Variants in CCDC88C observed in about 807,000 individuals in gnomAD.
The protein encoded by CCDC88C is coiled-coil and HOOK domain protein 88C.
CCDC88C carries 131 observed loss-of-function variants against 198.8 expected under a neutral mutation model. That is an observed-to-expected ratio of 0.66 (90% CI 0.57 to 0.76). The LOEUF (loss-of-function observed/expected upper bound fraction) is 0.76, where lower values mean the gene tolerates loss of function less well. CCDC88C is among the 30% of genes least tolerant of loss of function. The pLI is 0.00. For missense variants in CCDC88C, 2,553 were observed against 2,631.6 expected, an observed-to-expected ratio of 0.97 and a Z score of 0.65; for synonymous variants, 1,166 against 1,114.7, an observed-to-expected ratio of 1.05 and a Z score of -0.92.
chr14:91,409,148 A>G (rs1886669205), intron 2 of CCDC88C, among the ~76,000 whole-genome samples: 1 of 151,776 alleles, frequency 6.6e-6, no homozygotes, highest in Admixed American at 6.6e-5. Flanking sequence ...AAAGAAAAAT[A>G]TGTGAAATAT....
At chr14:91,408,429 GCACGATGCTACA>G (rs1361263774) in intron 3 of CCDC88C, 3 of 488,246 alleles carry the variant, frequency 6.1e-6, no homozygotes, top group Non-Finnish European at 7.5e-6. Context: ...ACAGCATATA[GCACGATGCTACA>G]CACAGCTCAA....
chr14:91,281,283 T>C, intron 27 of CCDC88C, 174 bp downstream of exon 27: 2 of 1,500,068 alleles, frequency 1.3e-6, no homozygotes, highest in East Asian at 2.6e-5. Context: ...TGGAGGTATG[T>C]AAGTAGAAGC....
At chr14:91,342,079 G>A (rs759610426) in intron 6 of CCDC88C, 142 of 270,776 alleles carry the variant, frequency 5.2e-4, no homozygotes, top group Non-Finnish European at 8.0e-4. Flanking sequence ...TCAACCAGTT[G>A]ACAGCTCTTA....
rs1893183826 is a variant in CCDC88C at position 91,339,012 on chromosome 14, G to A, written c.809+266C>T. Reference sequence around the variant, plus strand: ...CCCAAGCTGGAGCTGAGCGTGGACTGGAGGCTGCTTCTGTGGACAACTTGC... The same window carrying A: ...CCCAAGCTGGAGCTGAGCGTGGACTAGAGGCTGCTTCTGTGGACAACTTGC... On this transcript the variant is annotated intron_variant, in intron 8 of 29. Coordinates refer to ENST00000389857, the MANE Select transcript of CCDC88C (RefSeq NM_001080414.4). The surrounding 1 kb of genome is among the most constrained non-coding windows in gnomAD (Gnocchi z 5.8). The A allele has an allele frequency of 1.8e-6, 1 of 570,840 alleles. No individual in the cohort carries two copies. 35.4% of individuals were successfully genotyped at this position (570,840 alleles called of 1,614,324 possible). A position where few individuals can be genotyped will look rare whatever the true frequency, so the allele number is the denominator to read the frequency against.
intron 24 of CCDC88C, among the ~76,000 whole-genome samples, chr14:91,290,013 G>A (rs1369988185): frequency 2.6e-5 from 4 of 152,158 alleles, no homozygotes; most frequent in South Asian, 2.1e-4. Flanking sequence ...GCTCACGCCT[G>A]TAACCCCAGC....
intron 3 of CCDC88C, among the ~76,000 whole-genome samples, chr14:91,394,074 G>A (rs1885691750): frequency 6.6e-6 from 1 of 152,196 alleles, no homozygotes; most frequent in Non-Finnish European, 1.5e-5. Flanking sequence ...GTTTGGAAAG[G>A]AGGCAAAAAT....
chr14:91,401,498 C>T (rs1051420440), intron 3 of CCDC88C, among the ~76,000 whole-genome samples: 9 of 151,296 alleles, frequency 5.9e-5, no homozygotes, highest in South Asian at 2.1e-4. Flanking sequence ...CCACACCAGG[C>T]TAATTTTTTT....
chr14:91,391,279 G>A (rs1483330719), intron 3 of CCDC88C, among the ~76,000 whole-genome samples: 1 of 151,822 alleles, frequency 6.6e-6, no homozygotes, highest in Non-Finnish European at 1.5e-5. Context: ...CCCACTGGGT[G>A]CCCGTTTTTA....
At chr14:91,279,591 T>C (rs1890114187) in intron 27 of CCDC88C, 2 of 297,568 alleles carry the variant, frequency 6.7e-6, no homozygotes, top group Non-Finnish European at 1.3e-5. Context: ...AAAGGAAATC[T>C]CACACAGAAC....
chr14:91,383,525 C>A (rs1007830473), intron 3 of CCDC88C, among the ~76,000 whole-genome samples: 2 of 152,354 alleles, frequency 1.3e-5, no homozygotes, highest in East Asian at 3.9e-4. Flanking sequence ...CAGGGACACT[C>A]TGCCTCCTCG....
chr14:91,382,788 G>A (rs1040523821), intron 3 of CCDC88C, among the ~76,000 whole-genome samples: 2 of 152,134 alleles, frequency 1.3e-5, no homozygotes, highest in Non-Finnish European at 2.9e-5. Flanking sequence ...CCCAGGCTAC[G>A]CACCCGCTTT....
rs1894789228 is a variant in CCDC88C at position 91,371,344 on chromosome 14, G to A, written c.271-11633C>T. 6.6e-6 allele frequency among the ~76,000 whole-genome samples: 1 copy of A among 152,114 alleles called. No individual in the cohort carries two copies. Among genetic ancestry groups the A allele is most frequent in the African/African-American group, 2.4e-5 (1 of 41,402 alleles). On this transcript the variant is annotated intron_variant, in intron 3 of 29. Coordinates refer to ENST00000389857, the MANE Select transcript of CCDC88C (RefSeq NM_001080414.4). The surrounding 1 kb of genome is among the most constrained non-coding windows in gnomAD (Gnocchi z 4.2). ...TAAGCAAGAAAGGGGCAGAGAAAGT[G>A]TGGCCAGAGGAAACTACGGTATGCA...
intron 4 of CCDC88C, among the ~76,000 whole-genome samples, chr14:91,345,154 C>T (rs539959188): frequency 7.0e-6 from 1 of 143,712 alleles, no homozygotes; most frequent in African/African-American, 2.6e-5. Context: ...ATACCCCTTC[C>T]AGAGGTTCAA....
intron 4 of CCDC88C, among the ~76,000 whole-genome samples, chr14:91,351,393 G>A (rs1461077894): frequency 2.0e-5 from 3 of 152,146 alleles, no homozygotes; most frequent in Non-Finnish European, 4.4e-5. Context: ...CGGCTCTGAG[G>A]GCCCTCCTGA....
At chr14:91,377,955 A>G (rs1326615797) in intron 3 of CCDC88C, among the ~76,000 whole-genome samples, 1 of 152,218 alleles carries the variant, frequency 6.6e-6, no homozygotes, top group Non-Finnish European at 1.5e-5. Context: ...ATGCAGCCAC[A>G]TGGCACTGCC....
At chr14:91,318,584 T>C (rs1567073023) in intron 13 of CCDC88C, among the ~76,000 whole-genome samples, 1 of 152,192 alleles carries the variant, frequency 6.6e-6, no homozygotes, top group Non-Finnish European at 1.5e-5. Flanking sequence ...AGAAGTCCCA[T>C]GAGGGAACTC....
chr14:91,291,549 C>G (rs993606278), intron 23 of CCDC88C, among the ~76,000 whole-genome samples: 6 of 152,078 alleles, frequency 3.9e-5, no homozygotes, highest in Non-Finnish European at 7.4e-5. Context: ...CAGGCCCATT[C>G]CCACTCAGAA....
In CCDC88C at chr14:91,417,637, C is replaced by T. The variant is rs764381931; in HGVS notation, c.54G>A (p.Val18=). 2.5e-6 allele frequency: 4 copies of T among 1,591,208 alleles called. No individual in the cohort carries two copies. The South Asian group carries it at 4.5e-5, about 18-fold the overall frequency. Residue 18 remains valine (V), a synonymous_variant, in exon 1 of 30, where the codon GTG becomes GTA. Transcript: ENST00000389857. The part of the protein sequence containing the change: ...LLELFLQSPL[V]TWVKTFGPFG... ...GGGAGCCAGGCGCACTCACCCAGGT[C>T]ACCAGCGGGCTCTGCAGGAAGAGCT...
intron 29 of CCDC88C, among the ~76,000 whole-genome samples, chr14:91,274,394 T>C (rs565188472): frequency 2.0e-5 from 3 of 152,260 alleles, no homozygotes; most frequent in South Asian, 2.1e-4. Flanking sequence ...ACCTTGGGAA[T>C]AGGCAGAGCC....
Sources: allele counts gnomAD v4.1 joint callset (sites outside exome capture counted in the v4.1 genomes callset), GRCh38; gene constraint gnomAD v4.1.1; non-coding constraint Gnocchi (gnomAD v3.1); transcripts MANE v1.5; gene names NCBI Gene and HGNC (gene_info 2026-07-23, HGNC 2026-07-21).